ENPP6: variants seen among roughly 807,000 people sequenced by gnomAD.
The protein encoded by ENPP6 is ectonucleotide pyrophosphatase/phosphodiesterase 6.
A neutral mutation model predicts 42.0 loss-of-function variants in ENPP6; 32 were observed. The ratio of observed to expected loss-of-function variants is 0.76; its 90% CI spans 0.58 to 1.02. The LOEUF is 1.02. Ranked by LOEUF, ENPP6 falls within the 50% of genes least tolerant of loss-of-function variation. The pLI is 0.00. For missense variants in ENPP6, 552 were observed against 566.8 expected (o/e 0.97, Z 0.27); for synonymous variants, 213 against 216.0 (o/e 0.99, Z 0.12).
intron 6 of ENPP6, among the ~76,000 whole-genome samples, chr4:184,103,579 A>C (rs1216747097): frequency 6.6e-5 from 10 of 152,246 alleles, no homozygotes; most frequent in Admixed American, 1.3e-4. Context: ...AAATGATGAC[A>C]GTTTGGCTGG....
chr4:184,159,285 C>T (rs1009207686), intron 1 of ENPP6, among the ~76,000 whole-genome samples: 34 of 152,266 alleles, frequency 2.2e-4, no homozygotes, highest in Admixed American at 7.8e-4. Context: ...AGAGGGTCAG[C>T]GGGACCTGGA....
At position 184,089,043 on chromosome 4, in the gene ENPP6, T is replaced by C. The variant is rs139203438; in HGVS notation, c.*2134A>G. On this transcript the variant is annotated 3_prime_UTR_variant, in exon 8 of 8. Transcript: ENST00000296741. Reference sequence around the variant, plus strand: ...CACAGTGGAGGAAAGTGGGCTCTACTGAATTCATTGGAACACCGTCCTTTA... The same window carrying C: ...CACAGTGGAGGAAAGTGGGCTCTACCGAATTCATTGGAACACCGTCCTTTA... 2.1e-3 allele frequency: 321 copies of C among 152,340 alleles called. 2 individuals are homozygous for C. Among genetic ancestry groups the C allele is most frequent in the African/African-American group, 7.3e-3 (304 of 41,580 alleles). 9.4% of individuals were successfully genotyped at this position (152,340 alleles called of 1,614,324 possible).
At chr4:184,109,200 G>T (rs1485354270) in intron 6 of ENPP6, among the ~76,000 whole-genome samples, 1 of 151,630 alleles carries the variant, frequency 6.6e-6, no homozygotes, top group Non-Finnish European at 1.5e-5. Context: ...GACAGAGGGA[G>T]ACTCCATCTC....
At chr4:184,209,546 A>C (rs1020555940) in intron 1 of ENPP6, among the ~76,000 whole-genome samples, 13 of 151,696 alleles carry the variant, frequency 8.6e-5, no homozygotes, top group Non-Finnish European at 8.8e-5. Context: ...AAAAAGAATA[A>C]AAAGAAATGA....
chr4:184,151,978 AG>A (rs1737058407), intron 2 of ENPP6, among the ~76,000 whole-genome samples: 1 of 152,234 alleles, frequency 6.6e-6, no homozygotes, highest in Admixed American at 6.5e-5. Flanking sequence ...GCGTCAGCCG[AG>A]GTGGCTGCTA....
intron 1 of ENPP6, among the ~76,000 whole-genome samples, chr4:184,193,991 T>C (rs534758684): frequency 6.6e-6 from 1 of 152,330 alleles, no homozygotes; most frequent in East Asian, 1.9e-4. Flanking sequence ...CCTAATGCTA[T>C]TTTTGGCCTC....
chr4:184,155,463 C>T (rs1326106479), intron 1 of ENPP6, among the ~76,000 whole-genome samples: 1 of 151,318 alleles, frequency 6.6e-6, no homozygotes, highest in African/African-American at 2.4e-5. Flanking sequence ...AGGAGGTTAT[C>T]TCAACTGCAG....
chr4:184,133,479 TGCC>T (rs1283765845), intron 2 of ENPP6, among the ~76,000 whole-genome samples: 2 of 152,232 alleles, frequency 1.3e-5, no homozygotes, highest in African/African-American at 4.8e-5. Flanking sequence ...TATATCAAAA[TGCC>T]TCTTATTAAT....
intron 1 of ENPP6, among the ~76,000 whole-genome samples, chr4:184,156,155 T>C (rs1453906708): frequency 6.6e-6 from 1 of 152,146 alleles, no homozygotes; most frequent in Non-Finnish European, 1.5e-5. Flanking sequence ...CTTCTTTTGG[T>C]GGATTGGGCC....
At chr4:184,160,538 G>A (rs1737242687) in intron 1 of ENPP6, among the ~76,000 whole-genome samples, 1 of 152,008 alleles carries the variant, frequency 6.6e-6, no homozygotes, top group Admixed American at 6.6e-5. Context: ...ATTCAGTTTT[G>A]CGCATATCTG....
intron 2 of ENPP6, among the ~76,000 whole-genome samples, chr4:184,141,429 T>C (rs1051667355): frequency 5.3e-5 from 8 of 152,218 alleles, no homozygotes; most frequent in African/African-American, 1.4e-4. Context: ...CAGGGATCTG[T>C]GGGGAAGGCG....
chr4:184,146,790 C>T (rs774311668), intron 2 of ENPP6, among the ~76,000 whole-genome samples: 9 of 152,218 alleles, frequency 5.9e-5, no homozygotes, highest in Non-Finnish European at 1.2e-4. Flanking sequence ...GATACTACCT[C>T]CCCTTGCTTT....
intron 2 of ENPP6, among the ~76,000 whole-genome samples, chr4:184,132,636 T>C (rs2111360608): frequency 6.6e-6 from 1 of 152,200 alleles, no homozygotes; most frequent in African/African-American, 2.4e-5. Context: ...ATGTTTTCTT[T>C]CTTCAGTTCC....
rs17679108 is a variant in ENPP6, at chr4:184,097,502, T to A, written c.994-134A>T. ...CCGACTGACCCAGACTGACCCAACC[T>A]CCGCTGCGGCACTTCCTGCTCCAGG... is the stretch of plus-strand genomic sequence containing the variant. On this transcript the variant is annotated intron_variant, in intron 6 of 7. Transcript: ENST00000296741. 4.5e-4 allele frequency: 581 copies of A among 1,302,368 alleles called. 4 individuals are homozygous for A. The East Asian group carries it at 0.01, about 23-fold the overall frequency. 80.7% of individuals were successfully genotyped at this position (1,302,368 alleles called of 1,614,324 possible). A position where few individuals can be genotyped will look rare whatever the true frequency, so the allele number is the denominator to read the frequency against.
intron 1 of ENPP6, among the ~76,000 whole-genome samples, chr4:184,194,915 C>T (rs565534312): frequency 6.6e-6 from 1 of 152,294 alleles, no homozygotes; most frequent in South Asian, 2.1e-4. Flanking sequence ...TGCCTATGAC[C>T]TAAGGACCTT....
chr4:184,131,307 C>CCTTCCTTCCTTCCTTT (rs1736628031), intron 2 of ENPP6, among the ~76,000 whole-genome samples: 2 of 144,074 alleles, frequency 1.4e-5, no homozygotes, highest in Non-Finnish European at 3.0e-5. Flanking sequence ...TTCCTTCCTT[C>CCTTCCTTCCTTCCTTT]CTTTCTCTCT....
At position 184,089,305 on chromosome 4, in the gene ENPP6, A is replaced by G. The variant is rs889765757; in HGVS notation, c.*1872T>C. 1 of 152,160 alleles carries G rather than the reference A, an allele frequency of 6.6e-6. No individual in the cohort carries two copies. Among genetic ancestry groups the G allele is most frequent in the African/African-American group, 2.4e-5 (1 of 41,434 alleles). The allele number at this position is 152,160 out of a possible 1,614,324, so 9.4% of individuals were successfully genotyped here. A position where few individuals can be genotyped will look rare whatever the true frequency, so the allele number is the denominator to read the frequency against. ...TTTGCTCTCATGATTCATGGCATGG[A>G]GACAGCACCCAGCTTTCCTGAATCA... is the stretch of plus-strand genomic sequence containing the variant. On this transcript the variant is annotated 3_prime_UTR_variant, in exon 8 of 8. Coordinates refer to ENST00000296741, the MANE Select transcript of ENPP6 (RefSeq NM_153343.4).
intron 1 of ENPP6, among the ~76,000 whole-genome samples, chr4:184,172,294 G>A (rs943218523): frequency 6.6e-6 from 1 of 152,132 alleles, no homozygotes; most frequent in Non-Finnish European, 1.5e-5. Context: ...AGGATGGGAG[G>A]TGTTTGAAGG....
At chr4:184,144,056 G>A (rs1736876799) in intron 2 of ENPP6, among the ~76,000 whole-genome samples, 1 of 152,204 alleles carries the variant, frequency 6.6e-6, no homozygotes, top group Non-Finnish European at 1.5e-5. Flanking sequence ...GAGGCTGGCA[G>A]GGCCCCCCGG....
Sources: gnomAD v4.1 joint callset for allele counts (sites outside exome capture counted in the v4.1 genomes callset) on GRCh38, gnomAD v4.1.1 for gene constraint, MANE v1.5 for transcripts, NCBI Gene and HGNC (gene_info 2026-07-23, HGNC 2026-07-21) for gene names.